Variants in SMTNL2 observed in about 807,000 individuals in gnomAD.
SMTNL2 encodes the protein smoothelin like 2, also known as smoothelin-like protein 2.
SMTNL2 carries 43 observed loss-of-function variants against 44.1 expected under a neutral mutation model. That is an observed-to-expected ratio of 0.98 (90% confidence interval 0.76 to 1.26). The LOEUF (loss-of-function observed/expected upper bound fraction) is 1.26. SMTNL2 is among the 50% of genes most tolerant of loss of function. The pLI, the probability that SMTNL2 is intolerant of heterozygous loss-of-function variation, is 0.00. For missense variants in SMTNL2, 646 were observed against 670.2 expected (o/e 0.96, Z 0.40); for synonymous variants, 317 against 287.6 (o/e 1.10, Z -1.03).
Position 4,584,980 on chromosome 17 carries a change from C to A in SMTNL2, c.375C>A (p.Thr125=). Residue 125 remains threonine (T), a synonymous_variant, in exon 1 of 8, where the codon ACC becomes ACA. Coordinates refer to ENST00000389313, the MANE Select transcript of SMTNL2 (RefSeq NM_001114974.2). ...LGSARFASHA[T]FSLSGRGQSL... Reference sequence around the variant, plus strand: ...GCGCACGCTTCGCCAGCCACGCCACCTTCTCGCTGTCCGGCCGCGGCCAGG... The same window carrying A: ...GCGCACGCTTCGCCAGCCACGCCACATTCTCGCTGTCCGGCCGCGGCCAGG... 8 of 1,376,244 alleles carry A rather than the reference C, an allele frequency of 5.8e-6. No homozygotes were observed. Among genetic ancestry groups the A allele is most frequent in the Non-Finnish European group, 7.5e-6 (8 of 1,066,454 alleles). 85.3% of individuals were successfully genotyped at this position (1,376,244 alleles called of 1,614,324 possible).
intron 7 of SMTNL2, among the ~76,000 whole-genome samples, chr17:4,603,903 G>T (rs543529715): frequency 1.3e-5 from 2 of 152,256 alleles, no homozygotes; most frequent in South Asian, 4.1e-4. Flanking sequence ...GGAGTGCAGT[G>T]GCATGATCTT....
chr17:4,594,883 G>A lies in SMTNL2; in HGVS notation c.807-262G>A, dbSNP rs370659632. On this transcript the variant is annotated intron_variant, in intron 4 of 7. Transcript: ENST00000389313. Reference sequence around the variant, plus strand: ...GAGGGGGTCCCTCTGTCCTCCCCAGGCATTGACACCTGCAAAGGGGTGGTT... The same window carrying A: ...GAGGGGGTCCCTCTGTCCTCCCCAGACATTGACACCTGCAAAGGGGTGGTT... 5.3e-4 allele frequency among the ~76,000 whole-genome samples: 81 copies of A among 152,222 alleles called. 3 individuals are homozygous for A. In the South Asian group the frequency reaches 0.014, roughly 26 times the overall value.
chr17:4,587,203 G>A (rs1909376729), intron 1 of SMTNL2, among the ~76,000 whole-genome samples: 1 of 152,190 alleles, frequency 6.6e-6, no homozygotes. Flanking sequence ...AGGGGCATGA[G>A]CAGCAAGGGT....
At chr17:4,604,554 C>T (rs190760551) in intron 7 of SMTNL2, among the ~76,000 whole-genome samples, 2 of 152,252 alleles carry the variant, frequency 1.3e-5, no homozygotes, top group Admixed American at 6.5e-5. Flanking sequence ...GAGTCTTGCT[C>T]GCTCGCTGGG....
intron 1 of SMTNL2, among the ~76,000 whole-genome samples, chr17:4,585,226 T>G (rs1307666245): frequency 6.6e-6 from 1 of 152,218 alleles, no homozygotes; most frequent in Non-Finnish European, 1.5e-5. Flanking sequence ...TCCTCCGCCC[T>G]GTTTTAGAGC....
At position 4,598,391 on chromosome 17, in the gene SMTNL2, G is replaced by A. The variant is rs1220327660; in HGVS notation, c.1259+1068G>A. Among the ~76,000 whole-genome samples the A allele has an allele frequency of 6.6e-6, 1 of 152,146 alleles. No homozygotes were observed. The highest frequency in any genetic ancestry group is 2.1e-4 in the South Asian group (1 of 4,822). On this transcript the variant is annotated intron_variant, in intron 7 of 7. Transcript: ENST00000389313. The surrounding 1 kb of genome is among the most constrained non-coding windows in gnomAD (Gnocchi z 4.8). ...TCTCTGAAGCTCAGAGAGAAGTAAGGCCGTCCCCAAAGCCGAGTCTTCTGG... is the reference window on the plus strand; with the variant it reads ...TCTCTGAAGCTCAGAGAGAAGTAAGACCGTCCCCAAAGCCGAGTCTTCTGG...
At chr17:4,605,678 A>G (rs541780828) in intron 7 of SMTNL2, among the ~76,000 whole-genome samples, 158 of 152,274 alleles carry the variant, frequency 1.0e-3, no homozygotes, top group African/African-American at 3.5e-3. Flanking sequence ...ATTGATGGGA[A>G]AAAAAATAGA....
chr17:4,592,268 C>T lies in SMTNL2; in HGVS notation c.400-93C>T. 8.2e-7 allele frequency: 1 copy of T among 1,215,554 alleles called. No individual in the cohort carries two copies. The allele number at this position is 1,215,554 out of a possible 1,614,324, so 75.3% of individuals were successfully genotyped here. ...TTCTCTCAACATGATTGGTGTTTTG[C>T]CAGAACGGGAGGGGATTTGGGGGTG... On this transcript the variant is annotated intron_variant, in intron 1 of 7. Transcript: ENST00000389313. This position sits in a 1 kb window ranked among gnomAD's most constrained non-coding sequence, Gnocchi z 4.5.
At chr17:4,605,891 C>T (rs1910253968) in intron 7 of SMTNL2, among the ~76,000 whole-genome samples, 1 of 152,102 alleles carries the variant, frequency 6.6e-6, no homozygotes, top group South Asian at 2.1e-4. Flanking sequence ...CAGAGGCTGT[C>T]TGTTGTTATT....
chr17:4,600,203 G>A lies in SMTNL2; in HGVS notation c.1259+2880G>A, dbSNP rs1909974409. Among the ~76,000 whole-genome samples, 2 of 152,180 alleles carry A rather than the reference G, an allele frequency of 1.3e-5. No individual in the cohort carries two copies. Among genetic ancestry groups the A allele is most frequent in the African/African-American group, 4.8e-5 (2 of 41,426 alleles). On this transcript the variant is annotated intron_variant, in intron 7 of 7. Coordinates refer to ENST00000389313, the MANE Select transcript of SMTNL2 (RefSeq NM_001114974.2). The surrounding 1 kb of genome is among the most constrained non-coding windows in gnomAD (Gnocchi z 4.7). ...GACAGCTTGGATCACCTCATTTGTT[G>A]GACAATAGGCTGGTTAGAAGAGCTG...
At chr17:4,593,761 G>A in intron 3 of SMTNL2, 61 bp from the exon 4 acceptor site, 2 of 1,535,680 alleles carry the variant, frequency 1.3e-6, no homozygotes, top group South Asian at 2.3e-5. Flanking sequence ...GAGGAAGGGA[G>A]GCTATGGCGG....
intron 7 of SMTNL2, among the ~76,000 whole-genome samples, chr17:4,605,971 G>A (rs985309644): frequency 2.6e-5 from 4 of 152,298 alleles, no homozygotes; most frequent in Middle Eastern, 3.4e-3. Context: ...CCACGTCCAC[G>A]AGGCCTTCAG....
Position 4,607,581 on chromosome 17 carries a change from C to A in SMTNL2, c.*94C>A. On this transcript the variant is annotated 3_prime_UTR_variant, in exon 8 of 8. Coordinates refer to ENST00000389313, the MANE Select transcript of SMTNL2 (RefSeq NM_001114974.2). The surrounding 1 kb of genome is among the most constrained non-coding windows in gnomAD (Gnocchi z 4.7). ...GCCAGGATGCCCCCAGGAGCCTTGC[C>A]GTTTGGTGTGAGCGCGCTGTTTGTT... The A allele has an allele frequency of 6.5e-7, 1 of 1,544,504 alleles. No individual in the cohort carries two copies. Among genetic ancestry groups the A allele is most frequent in the Non-Finnish European group, 8.7e-7 (1 of 1,143,098 alleles).
Position 4,607,523 on chromosome 17 carries a change from G to A in SMTNL2, c.*36G>A. On this transcript the variant is annotated 3_prime_UTR_variant, in exon 8 of 8. Transcript: ENST00000389313. The surrounding 1 kb of genome is among the most constrained non-coding windows in gnomAD (Gnocchi z 4.7). The stretch of plus-strand genomic sequence containing the variant: ...CCTGGATTGCCAAAGAGCAGCCCCA[G>A]GAAGAGGCCGGGGGTCCGCTTGCGA... 6 of 1,607,182 alleles carry A rather than the reference G, an allele frequency of 3.7e-6. No homozygotes were observed. Among genetic ancestry groups the A allele is most frequent in the Non-Finnish European group, 5.1e-6 (6 of 1,174,602 alleles).
chr17:4,589,688 G>A (rs2150519316), intron 1 of SMTNL2, among the ~76,000 whole-genome samples: 1 of 152,140 alleles, frequency 6.6e-6, no homozygotes, highest in South Asian at 2.1e-4. Context: ...TATGAATGTG[G>A]TCTTGCCTCT....
At position 4,595,128 on chromosome 17, in the gene SMTNL2, G is replaced by C. The variant is rs763287144; in HGVS notation, c.807-17G>C. On this transcript the variant is annotated splice_polypyrimidine_tract_variant and intron_variant, in intron 4 of 7. Coordinates refer to ENST00000389313, the MANE Select transcript of SMTNL2 (RefSeq NM_001114974.2). This position sits in a 1 kb window ranked among gnomAD's most constrained non-coding sequence, Gnocchi z 5.1. ...GGCTGCTGGGCCCAGGTCCCAACTCGGCGATTCTTTCCTCAGCCCACCGCT... is the reference window on the plus strand; with the variant it reads ...GGCTGCTGGGCCCAGGTCCCAACTCCGCGATTCTTTCCTCAGCCCACCGCT... 6.2e-7 allele frequency: 1 copy of C among 1,613,012 alleles called. No homozygotes were observed. The highest frequency in any genetic ancestry group is 1.7e-5 in the Admixed American group (1 of 60,020).
intron 1 of SMTNL2, among the ~76,000 whole-genome samples, chr17:4,588,719 C>T (rs879214434): frequency 2.0e-5 from 3 of 152,222 alleles, no homozygotes; most frequent in South Asian, 2.1e-4. Flanking sequence ...CCCATGGGGC[C>T]GGGGCTCATA....
At chr17:4,594,475 A>G (rs1415745371) in intron 4 of SMTNL2, among the ~76,000 whole-genome samples, 1 of 151,878 alleles carries the variant, frequency 6.6e-6, no homozygotes, top group Non-Finnish European at 1.5e-5. Flanking sequence ...AAATAAATAA[A>G]TAAATGAATA....
intron 7 of SMTNL2, among the ~76,000 whole-genome samples, chr17:4,603,829 TCA>T (rs1479854437): frequency 6.6e-6 from 1 of 152,066 alleles, no homozygotes; most frequent in Non-Finnish European, 1.5e-5. Flanking sequence ...CTCTCTGAAC[TCA>T]GATTTTCTTT....
Sources: gnomAD v4.1 joint callset for allele counts (sites outside exome capture counted in the v4.1 genomes callset) on GRCh38, gnomAD v4.1.1 for gene constraint, Gnocchi (gnomAD v3.1) non-coding constraint, MANE v1.5 for transcripts, NCBI Gene and HGNC (gene_info 2026-07-23, HGNC 2026-07-21) for gene names.